Variants in COX15 observed in about 807,000 individuals in gnomAD.
The protein encoded by COX15 is cytochrome c oxidase assembly factor COX15, also known as heme A synthase COX15.
In COX15, 51 loss-of-function variants were observed where a neutral mutation model predicts 51.9. The observed-to-expected ratio is 0.98, with a 90% CI of 0.78 to 1.24. The LOEUF is 1.24. Ranked by LOEUF, COX15 falls within the 50% of genes most tolerant of loss-of-function variation. The pLI, the probability that COX15 is intolerant of heterozygous loss-of-function variation, is 0.00. For missense variants in COX15, 420 were observed against 501.1 expected (o/e 0.84, Z 1.55); for synonymous variants, 188 against 190.5 (o/e 0.99, Z 0.11).
At chr10:99,709,740 A>G (rs1295433507), downstream of COX15, 13 of 985,188 alleles carry the variant, frequency 1.3e-5, no homozygotes, top group African/African-American at 8.7e-5. Flanking sequence ...TGCTCTGTCT[A>G]CTTATCTTCC....
In COX15 at chr10:99,711,083, C is replaced by T; in HGVS notation, c.*3504G>A. On this transcript the variant is annotated 3_prime_UTR_variant, in exon 9 of 9. Coordinates refer to ENST00000016171, the MANE Select transcript of COX15 (RefSeq NM_078470.6). ...AATATTTGATATGTGTCTGGGAGTG[C>T]TGGGAATAACATAAATACAAAAAAA... 1.1e-6 allele frequency: 1 copy of T among 948,452 alleles called. No individual in the cohort carries two copies. The highest frequency in any genetic ancestry group is 1.2e-6 in the Non-Finnish European group (1 of 816,284). The allele number at this position is 948,452 out of a possible 1,614,324, so 58.8% of individuals were successfully genotyped here.
Position 99,714,206 on chromosome 10 carries a change from A to G in COX15, c.*381T>C. 10 of 1,079,474 alleles carry G rather than the reference A, an allele frequency of 9.3e-6. No individual in the cohort carries two copies. Among genetic ancestry groups the G allele is most frequent in the Non-Finnish European group, 1.1e-5 (10 of 885,650 alleles). 66.9% of individuals were successfully genotyped at this position (1,079,474 alleles called of 1,614,324 possible). A position where few individuals can be genotyped will look rare whatever the true frequency, so the allele number is the denominator to read the frequency against. On this transcript the variant is annotated 3_prime_UTR_variant, in exon 9 of 9. Transcript: ENST00000016171. ...ACCTAATGGAAGTGAAGTTAAGATC[A>G]TAAAGAAATTCTATTTAGGCAGAAT...
intron 6 of COX15, among the ~76,000 whole-genome samples, chr10:99,720,293 A>C (rs2036718964): frequency 6.6e-6 from 1 of 152,102 alleles, no homozygotes; most frequent in Non-Finnish European, 1.5e-5. Context: ...AAAAATACAA[A>C]AATCAGCTGG....
chr10:99,726,559 A>G (rs764268698), intron 4 of COX15, among the ~76,000 whole-genome samples: 1 of 152,152 alleles, frequency 6.6e-6, no homozygotes, highest in Non-Finnish European at 1.5e-5. Context: ...TACCTATTCT[A>G]TTAAAGTGCC....
downstream of COX15, chr10:99,710,137 T>C: frequency 1.4e-5 from 14 of 985,392 alleles, no homozygotes; most frequent in Non-Finnish European, 1.7e-5. Context: ...TGGTGGCCAC[T>C]CCTCCTTCTC....
At position 99,731,959 on chromosome 10, in the gene COX15, C is replaced by T. The variant is rs1259153475; in HGVS notation, c.90+1G>A. On this transcript the variant is annotated splice_donor_variant, in intron 1 of 8. Coordinates refer to ENST00000016171, the MANE Select transcript of COX15 (RefSeq NM_078470.6). LOFTEE classifies it high-confidence loss of function. ...ACTCGGAGTCCGCTGCAGTGCGGTA[C>T]CTGTGCTCTAGGCGCTGCCCTAGGA... The T allele has an allele frequency of 1.2e-6, 2 of 1,609,024 alleles. No individual in the cohort carries two copies. The highest frequency in any genetic ancestry group is 1.7e-6 in the Non-Finnish European group (2 of 1,178,100).
intron 2 of COX15, among the ~76,000 whole-genome samples, chr10:99,729,183 T>G (rs2037054802): frequency 6.6e-6 from 1 of 152,148 alleles, no homozygotes; most frequent in Admixed American, 6.5e-5. Context: ...TTTCTCCAGC[T>G]GGGCATGGTG....
intron 1 of COX15, among the ~76,000 whole-genome samples, chr10:99,730,662 C>G (rs1157880527): frequency 1.3e-5 from 2 of 152,008 alleles, no homozygotes; most frequent in Non-Finnish European, 2.9e-5. Context: ...ACTTATTGCT[C>G]TTAGGCTATA....
rs2133555684 is a variant in COX15, at chr10:99,711,854, G to GA, written c.*2732dup. 1 of 980,718 alleles carries GA rather than the reference G, an allele frequency of 1.0e-6. No individual in the cohort carries two copies. Among genetic ancestry groups the GA allele is most frequent in the African/African-American group, 1.7e-5 (1 of 57,244 alleles). The allele number at this position is 980,718 out of a possible 1,614,324, so 60.8% of individuals were successfully genotyped here. Reference sequence around the variant, plus strand: ...AGGAAATACTGACAATTTTTAGAAAGAAAAGAGGTTTATTTGGCTCACTGT... The same window carrying GA: ...AGGAAATACTGACAATTTTTAGAAAGAAAAAGAGGTTTATTTGGCTCACTGT... On this transcript the variant is annotated 3_prime_UTR_variant, in exon 9 of 9. Coordinates refer to ENST00000016171, the MANE Select transcript of COX15 (RefSeq NM_078470.6).
At chr10:99,701,794 T>C in the COX15 span, among the ~76,000 whole-genome samples, 8 of 151,862 alleles carry the variant, frequency 5.3e-5, no homozygotes, top group Non-Finnish European at 8.8e-5. Flanking sequence ...ACACCTGTAA[T>C]CCTAGTGCTT....
chr10:99,713,395 G>T lies in COX15; in HGVS notation c.*1192C>A. On this transcript the variant is annotated 3_prime_UTR_variant, in exon 9 of 9. Coordinates refer to ENST00000016171, the MANE Select transcript of COX15 (RefSeq NM_078470.6). ...TGTCATCTATTATATTAGCAATATT[G>T]GGTTGCTCCATCCTCAAATCAGATG... The T allele has an allele frequency of 6.2e-7, 1 of 1,613,726 alleles. No individual in the cohort carries two copies. Among genetic ancestry groups the T allele is most frequent in the Non-Finnish European group, 8.5e-7 (1 of 1,179,938 alleles).
Position 99,712,813 on chromosome 10 carries a change from T to G in COX15, c.*1774A>C. On this transcript the variant is annotated 3_prime_UTR_variant, in exon 9 of 9. Coordinates refer to ENST00000016171, the MANE Select transcript of COX15 (RefSeq NM_078470.6). The stretch of plus-strand genomic sequence containing the variant: ...ACCCTACTCTTGCCTTCTACAGAAC[T>G]AAAACTAACTTCCTGCAACTTTCAT... 1 of 327,720 alleles carries G rather than the reference T, an allele frequency of 3.1e-6. No individual in the cohort carries two copies. The highest frequency in any genetic ancestry group is 4.4e-6 in the Non-Finnish European group (1 of 226,544). The allele number at this position is 327,720 out of a possible 1,614,324, so 20.3% of individuals were successfully genotyped here. A position where few individuals can be genotyped will look rare whatever the true frequency, so the allele number is the denominator to read the frequency against.
chr10:99,718,116 G>A (rs1207257411), intron 7 of COX15, among the ~76,000 whole-genome samples: 2 of 150,494 alleles, frequency 1.3e-5, no homozygotes, highest in Non-Finnish European at 2.9e-5. Flanking sequence ...TAAGAAGCTG[G>A]CAACGTCCTG....
chr10:99,709,535 G>A (rs993186176), downstream of COX15: 24 of 978,914 alleles, frequency 2.5e-5, no homozygotes, highest in Non-Finnish European at 2.8e-5. Context: ...AGGATTATTA[G>A]TCAATAATAT....
At chr10:99,727,795 C>T (rs77796661) in intron 2 of COX15, among the ~76,000 whole-genome samples, 1 of 152,098 alleles carries the variant, frequency 6.6e-6, no homozygotes, top group Admixed American at 6.5e-5. Flanking sequence ...TTCAACTCTC[C>T]CCAATTCTTT....
intron 5 of COX15, among the ~76,000 whole-genome samples, chr10:99,722,743 A>G (rs1172440551): frequency 2.0e-5 from 3 of 152,126 alleles, no homozygotes; most frequent in Admixed American, 6.6e-5. Context: ...CTGAGGCTGA[A>G]GAATTGCTTG....
chr10:99,710,062 G>A, downstream of COX15: 1 of 985,384 alleles, frequency 1.0e-6, no homozygotes, highest in Non-Finnish European at 1.2e-6. Flanking sequence ...ATGACTTCAG[G>A]CTAGCATAAA....
At chr10:99,704,527 CTT>C in the COX15 span, 1 of 1,614,222 alleles carries the variant, frequency 6.2e-7, no homozygotes. Flanking sequence ...ACCACTATCT[CTT>C]CTTTGCCTGT....
chr10:99,728,825 A>T (rs1395246019), intron 2 of COX15, among the ~76,000 whole-genome samples: 1 of 152,238 alleles, frequency 6.6e-6, no homozygotes, highest in African/African-American at 2.4e-5. Context: ...CTCAGCAACT[A>T]GAAGAGGGGG....
Sources: allele counts gnomAD v4.1 joint callset (sites outside exome capture counted in the v4.1 genomes callset), GRCh38; gene constraint gnomAD v4.1.1; transcripts MANE v1.5; gene names NCBI Gene and HGNC (gene_info 2026-07-23, HGNC 2026-07-21).